Variants in SCN11A observed in about 807,000 individuals in gnomAD.
SCN11A encodes sodium channel protein type 11 subunit alpha.
A neutral mutation model predicts 162.2 loss-of-function variants in SCN11A; 122 were observed. The ratio of observed to expected loss-of-function variants is 0.75; its 90% CI spans 0.65 to 0.87. The LOEUF (loss-of-function observed/expected upper bound fraction) is 0.87. Ranked by LOEUF, SCN11A falls within the 40% of genes least tolerant of loss-of-function variation. The pLI is 0.00. For missense variants in SCN11A, 2,015 were observed against 2,181.6 expected, an observed-to-expected ratio of 0.92 and a Z score of 1.52; for synonymous variants, 758 against 751.5, an observed-to-expected ratio of 1.01 and a Z score of -0.14.
chr3:38,963,413 TA>T (rs2066758715), intron 2 of SCN11A, among the ~76,000 whole-genome samples: 1 of 59,232 alleles, frequency 1.7e-5, no homozygotes, highest in Non-Finnish European at 2.8e-5. Flanking sequence ...TATATATATA[TA>T]TATGATGGAG....
chr3:38,874,388 A>T (rs2065176356), intron 23 of SCN11A, among the ~76,000 whole-genome samples: 1 of 152,166 alleles, frequency 6.6e-6, no homozygotes, highest in Admixed American at 6.5e-5. Context: ...GCTTGAGCTC[A>T]GGAGTCTGAG....
intron 1 of SCN11A, among the ~76,000 whole-genome samples, chr3:39,038,439 C>T (rs1235404245): frequency 1.3e-5 from 2 of 152,228 alleles, no homozygotes; most frequent in Non-Finnish European, 2.9e-5. Flanking sequence ...TGATAAACAG[C>T]AGAAAATAAA....
At chr3:38,964,832 A>G (rs999865660) in intron 2 of SCN11A, among the ~76,000 whole-genome samples, 4 of 152,218 alleles carry the variant, frequency 2.6e-5, no homozygotes, top group Non-Finnish European at 4.4e-5. Flanking sequence ...CTAAATTTGT[A>G]TTGATTCACA....
chr3:39,012,486 CT>C (rs112265845), intron 2 of SCN11A, among the ~76,000 whole-genome samples: 207 of 121,240 alleles, frequency 1.7e-3, no homozygotes, highest in Middle Eastern at 4.5e-3. Flanking sequence ...TTCTCTCTTT[CT>C]TTTTTTTTTT....
In SCN11A at chr3:38,922,701, A is replaced by G. The variant is rs73068555; in HGVS notation, c.713-1446T>C. ...GAAGGAGGAGGAGGAGGAGGAGGAG[A>G]AGAAGAGATAAATTGTATATAAAGT... On this transcript the variant is annotated intron_variant, in intron 9 of 29. Coordinates refer to ENST00000302328, the MANE Select transcript of SCN11A (RefSeq NM_001349253.2). Among the ~76,000 whole-genome samples, 1,060 of 152,202 alleles carry G rather than the reference A, an allele frequency of 7.0e-3. 6 individuals carry two copies. The highest frequency in any genetic ancestry group is 0.01 in the Non-Finnish European group (711 of 68,014).
chr3:38,925,265 TG>T (rs2066120046), intron 9 of SCN11A, 149 bp downstream of exon 9: 7 of 627,614 alleles, frequency 1.1e-5, no homozygotes, highest in Non-Finnish European at 2.0e-5. Context: ...ACATATTAGG[TG>T]CTCAATAATT....
At chr3:38,900,195 ACCCT>A in intron 16 of SCN11A, 122 bp from the exon 17 acceptor site, 2 of 719,170 alleles carry the variant, frequency 2.8e-6, no homozygotes, top group Non-Finnish European at 4.6e-6. Context: ...GACACACTAT[ACCCT>A]AAAGTCCATG....
chr3:38,939,683 C>T (rs2066410892), intron 7 of SCN11A, among the ~76,000 whole-genome samples: 1 of 152,060 alleles, frequency 6.6e-6, no homozygotes, highest in South Asian at 2.1e-4. Context: ...GCGGGTGGAT[C>T]ATCTGAGGTC....
intron 7 of SCN11A, among the ~76,000 whole-genome samples, chr3:38,934,623 G>A (rs147181590): frequency 0.067 from 10,149 of 152,020 alleles, 395 homozygotes; most frequent in Middle Eastern, 0.11. Flanking sequence ...GATCAAAACA[G>A]ACAAAGAAGG....
intron 2 of SCN11A, among the ~76,000 whole-genome samples, chr3:38,965,701 CT>C (rs1038737572): frequency 6.6e-6 from 1 of 151,464 alleles, no homozygotes; most frequent in African/African-American, 2.4e-5. Context: ...CTTTCTTTTT[CT>C]TTTTTTTTCA....
rs2066592918 is a variant in SCN11A, at chr3:38,950,311, G to T, written c.52C>A (p.Pro18Thr). The T allele has an allele frequency of 5.0e-6, 8 of 1,613,808 alleles. No homozygotes were observed. The highest frequency in any genetic ancestry group is 1.7e-5 in the Admixed American group (1 of 59,986). The change falls in exon 5 of 30, where the codon CCC (proline) becomes ACC (threonine). Residue 18 changes from proline (P) to threonine (T), a missense_variant. Pro to Thr is a conservative substitution (Grantham distance 38). Coordinates refer to ENST00000302328, the MANE Select transcript of SCN11A (RefSeq NM_001349253.2). ...GCAGCCAGAGAGTCGGAAGTGAAGGGGCGGAAATTCCGCTCATCTGGAAAG... is the reference window on the plus strand; with the variant it reads ...GCAGCCAGAGAGTCGGAAGTGAAGGTGCGGAAATTCCGCTCATCTGGAAAG... ...VIFPDERNFRPFTSDSLAAIE... is the reference protein window; with the variant it reads ...VIFPDERNFRTFTSDSLAAIE...
chr3:38,872,076 G>T, intron 24 of SCN11A, 117 bp downstream of exon 24: 1 of 733,172 alleles, frequency 1.4e-6, no homozygotes, highest in Non-Finnish European at 2.5e-6. Flanking sequence ...TGGGCAGGCT[G>T]GGAAGTAACC....
intron 19 of SCN11A, among the ~76,000 whole-genome samples, chr3:38,888,787 C>A (rs2065444227): frequency 6.6e-6 from 1 of 152,150 alleles, no homozygotes; most frequent in South Asian, 2.1e-4. Flanking sequence ...ATTGATGACA[C>A]TTAAGCCATG....
intron 29 of SCN11A, chr3:38,850,237 A>G (rs1266769511): frequency 2.2e-6 from 1 of 464,770 alleles, no homozygotes. Flanking sequence ...CATTGAATAC[A>G]TTAGCTGCAT....
At chr3:38,856,714 G>A (rs1305644176) in intron 28 of SCN11A, among the ~76,000 whole-genome samples, 1 of 151,618 alleles carries the variant, frequency 6.6e-6, no homozygotes, top group Non-Finnish European at 1.5e-5. Context: ...AAAACACTGG[G>A]AAAAAATAAA....
chr3:38,922,710 T>A (rs1444987838), intron 9 of SCN11A, among the ~76,000 whole-genome samples: 2 of 151,986 alleles, frequency 1.3e-5, no homozygotes, highest in African/African-American at 2.4e-5. Flanking sequence ...GAAGAAGAGA[T>A]AAATTGTATA....
At chr3:38,886,607 T>C (rs542558122) in intron 19 of SCN11A, among the ~76,000 whole-genome samples, 9 of 152,124 alleles carry the variant, frequency 5.9e-5, no homozygotes, top group Non-Finnish European at 1.2e-4. Flanking sequence ...AATTATTTAA[T>C]AAATGGTACA....
intron 27 of SCN11A, among the ~76,000 whole-genome samples, 155 bp from the exon 28 acceptor site, chr3:38,863,454 C>A (rs1171070991): frequency 6.6e-6 from 1 of 151,868 alleles, no homozygotes; most frequent in Non-Finnish European, 1.5e-5. Context: ...TAGCGAAATG[C>A]TGTAAAGAAA....
chr3:38,993,955 T>C (rs1415196648), intron 2 of SCN11A, among the ~76,000 whole-genome samples: 2 of 152,230 alleles, frequency 1.3e-5, no homozygotes, highest in African/African-American at 4.8e-5. Flanking sequence ...GCATCTTCCA[T>C]GCAGTCTCTT....
Sources: gnomAD v4.1 joint callset for allele counts (sites outside exome capture counted in the v4.1 genomes callset) on GRCh38, gnomAD v4.1.1 for gene constraint, MANE v1.5 for transcripts, NCBI Gene and HGNC (gene_info 2026-07-23, HGNC 2026-07-21) for gene names.